The following UPRT variants were observed in gnomAD, a reference collection of about 807,000 sequenced individuals.
The protein encoded by UPRT is uracil phosphoribosyltransferase homolog.
Under a neutral mutation model 22.6 loss-of-function variants are expected in UPRT, and 5 were observed. The observed-to-expected ratio is 0.22, with a 90% CI of 0.12 to 0.47. The LOEUF is 0.47. UPRT is among the 20% of genes least tolerant of loss of function. UPRT has a pLI of 0.99. For synonymous variants in UPRT, 77 were observed against 87.7 expected, an observed-to-expected ratio of 0.88 and a Z score of 0.68; for missense variants, 181 against 239.9, an observed-to-expected ratio of 0.75 and a Z score of 1.62.
intron 4 of UPRT, among the ~76,000 whole-genome samples, chrX:75,172,289 C>A (rs1458069837): frequency 1.8e-5 from 2 of 110,921 alleles, no homozygotes; most frequent in East Asian, 5.7e-4. Context: ...GGTGTGGTTC[C>A]CAAATCAATG....
In UPRT at chrX:75,205,822, T is replaced by G. The variant is rs535459029; in HGVS notation, c.-447+37943T>G. On this transcript the variant is annotated intron_variant, in intron 4 of 13. Transcript: ENST00000652605. ...TGAGTGAGGTGTAATGCCAGCCAAG[T>G]ATCCTGTACATAAGGGGGAGCAGAT... Among the ~76,000 whole-genome samples, 19 of 111,592 alleles carry G rather than the reference T, an allele frequency of 1.7e-4. 1 individual carries two copies. The South Asian group carries it at 7.3e-3, about 43-fold the overall frequency.
In UPRT at chrX:75,300,864, C is replaced by T. The variant is rs1400990372; in HGVS notation, c.725-3C>T. ...AATTCATTTGGTTATCTTTTGATTT[C>T]AGGCACTGGAAATACTGTAATTGAA... On this transcript the variant is annotated splice_polypyrimidine_tract_variant and splice_region_variant and intron_variant, in intron 5 of 6. Transcript: ENST00000373383. 1 of 1,182,093 alleles carries T rather than the reference C, an allele frequency of 8.5e-7. No individual in the cohort carries two copies. Among genetic ancestry groups the T allele is most frequent in the African/African-American group, 1.8e-5 (1 of 55,768 alleles).
At chrX:75,205,247 G>A (rs1273353102) in intron 4 of UPRT, among the ~76,000 whole-genome samples, 4 of 109,255 alleles carry the variant, frequency 3.7e-5, no homozygotes, top group Non-Finnish European at 7.6e-5. Flanking sequence ...GCGGGCGCCT[G>A]TAGTCCCGGC....
rs150851682 is a variant in UPRT at position 75,263,347 on chromosome X, C to T, written c.-446-27677C>T. 6.5e-3 allele frequency among the ~76,000 whole-genome samples: 725 copies of T among 111,254 alleles called. 1 individual carries two copies. Among genetic ancestry groups the T allele is most frequent in the Non-Finnish European group, 0.011 (565 of 53,064 alleles). On this transcript the variant is annotated intron_variant, in intron 4 of 13. Transcript: ENST00000652605. ...GAATTCAGCTGTGAATCCATCTGGC[C>T]CTGTACTTTTTTTGGTTGGTAGGCT...
chrX:75,197,499 T>C (rs981486747), intron 4 of UPRT, among the ~76,000 whole-genome samples: 12 of 111,950 alleles, frequency 1.1e-4, no homozygotes, highest in Non-Finnish European at 2.1e-4. Context: ...ATAAAACAAT[T>C]GAAATATGAA....
chrX:75,205,102 G>T (rs1262491107), intron 4 of UPRT, among the ~76,000 whole-genome samples: 1 of 110,932 alleles, frequency 9.0e-6, no homozygotes. Context: ...CGGGCGCGGT[G>T]GCTCACGCCT....
rs748705716 is a variant in UPRT at position 75,254,924 on chromosome X, C to T, written c.-446-36100C>T. Among the ~76,000 whole-genome samples, 524 of 109,794 alleles carry T rather than the reference C, an allele frequency of 4.8e-3. 1 individual carries two copies. The highest frequency in any genetic ancestry group is 0.016 in the African/African-American group (492 of 30,158). Reference sequence around the variant, plus strand: ...CCGAGTAGCTGGGACTACAGGCGCCCGCCACCGCACCCGGCTAATTTTTTG... The same window carrying T: ...CCGAGTAGCTGGGACTACAGGCGCCTGCCACCGCACCCGGCTAATTTTTTG... On this transcript the variant is annotated intron_variant, in intron 4 of 13. Transcript: ENST00000652605.
intron 4 of UPRT, among the ~76,000 whole-genome samples, chrX:75,259,958 T>G (rs1038287216): frequency 1.8e-5 from 2 of 111,851 alleles, no homozygotes; most frequent in Non-Finnish European, 1.9e-5. Flanking sequence ...TATTCAACAT[T>G]CTTAAAGAAA....
intron 1 of UPRT, among the ~76,000 whole-genome samples, chrX:75,291,234 T>C (rs1056093251): frequency 1.8e-5 from 2 of 112,221 alleles, no homozygotes; most frequent in Non-Finnish European, 3.8e-5. Context: ...AGTGCCTGGA[T>C]ATCATTATCT....
rs1035793842 is a variant in UPRT at position 75,304,285 on chromosome X, G to A, written c.*774G>A. The stretch of plus-strand genomic sequence containing the variant: ...CTAGGAAGGAATTGGTGGTTTTTCT[G>A]AAGTGTGGGGGAAAGGGTGGTTTCT... On this transcript the variant is annotated 3_prime_UTR_variant, in exon 7 of 7. Transcript: ENST00000373383. 1 of 111,609 alleles carries A rather than the reference G, an allele frequency of 9.0e-6. No homozygotes were observed. The highest frequency in any genetic ancestry group is 1.9e-5 in the Non-Finnish European group (1 of 53,121). The allele number at this position is 111,609 out of a possible 1,213,427, so 9.2% of individuals were successfully genotyped here. A position where few individuals can be genotyped will look rare whatever the true frequency, so the allele number is the denominator to read the frequency against.
intron 4 of UPRT, among the ~76,000 whole-genome samples, chrX:75,218,039 G>T (rs1356380273): frequency 2.7e-5 from 3 of 111,610 alleles, no homozygotes; most frequent in Non-Finnish European, 5.6e-5. Context: ...TGACAAGTGG[G>T]ATCTAATTAA....
intron 4 of UPRT, among the ~76,000 whole-genome samples, chrX:75,259,575 GAACA>G (rs1467507304): frequency 2.7e-5 from 3 of 109,463 alleles, no homozygotes; most frequent in African/African-American, 6.6e-5. Context: ...GAATGAAAAG[GAACA>G]AACAAAGCCT....
intron 4 of UPRT, among the ~76,000 whole-genome samples, chrX:75,195,757 G>A (rs751582152): frequency 1.1e-4 from 12 of 111,794 alleles, no homozygotes; most frequent in Non-Finnish European, 1.9e-4. Context: ...CCCAGGATCT[G>A]TGTCTTCCCT....
At chrX:75,292,293 A>C (rs1430812081) in intron 1 of UPRT, among the ~76,000 whole-genome samples, 1 of 111,836 alleles carries the variant, frequency 8.9e-6, no homozygotes, top group Non-Finnish European at 1.9e-5. Flanking sequence ...AGTACGTGAA[A>C]TTGAGCCTGT....
chrX:75,246,115 G>A (rs1244771588), intron 4 of UPRT, among the ~76,000 whole-genome samples: 1 of 110,165 alleles, frequency 9.1e-6, no homozygotes, highest in Non-Finnish European at 1.9e-5. Flanking sequence ...TTTATTTTAT[G>A]TTATTATACT....
At chrX:75,186,797 G>A (rs1040897687) in intron 4 of UPRT, among the ~76,000 whole-genome samples, 6 of 111,200 alleles carry the variant, frequency 5.4e-5, no homozygotes, top group African/African-American at 3.3e-5. Flanking sequence ...TGTCTCTTTC[G>A]ATCTTTGTTG....
At chrX:75,232,103 A>G (rs1447090888) in intron 4 of UPRT, among the ~76,000 whole-genome samples, 1 of 112,197 alleles carries the variant, frequency 8.9e-6, no homozygotes, top group African/African-American at 3.2e-5. Flanking sequence ...GAGCCGAAGC[A>G]GGGCGAGGCA....
chrX:75,228,977 G>A (rs936823023), intron 4 of UPRT, among the ~76,000 whole-genome samples: 1 of 112,212 alleles, frequency 8.9e-6, no homozygotes, highest in African/African-American at 3.2e-5. Context: ...GAAGCTGAGA[G>A]TAGAATGTTG....
intron 4 of UPRT, among the ~76,000 whole-genome samples, chrX:75,182,111 T>C (rs1251476877): frequency 2.7e-5 from 3 of 111,293 alleles, no homozygotes; most frequent in Non-Finnish European, 5.7e-5. Context: ...TGATCATGTT[T>C]TGTTTGTTTG....
Sources: gnomAD v4.1 joint callset for allele counts (sites outside exome capture counted in the v4.1 genomes callset) on GRCh38, gnomAD v4.1.1 for gene constraint, MANE v1.5 for transcripts, NCBI Gene and HGNC (gene_info 2026-07-23, HGNC 2026-07-21) for gene names.